The following CNTLN variants were observed in gnomAD, a reference collection of about 807,000 sequenced individuals.
The protein encoded by CNTLN is centlein, centrosomal protein.
A neutral mutation model predicts 180.0 loss-of-function variants in CNTLN; 212 were observed. That is an observed-to-expected ratio of 1.18 (90% CI 1.05 to 1.32). The LOEUF is 1.32. Ranked by LOEUF, CNTLN falls within the 40% of genes most tolerant of loss-of-function variation. CNTLN has a pLI of 0.00. For synonymous variants in CNTLN, 722 were observed against 563.1 expected (o/e 1.28, Z -3.99); for missense variants, 2,095 against 1,610.9 (o/e 1.30, Z -5.14).
At chr9:17,517,400 C>CA in the CNTLN span, among the ~76,000 whole-genome samples, 13,400 of 115,854 alleles carry the variant, frequency 0.12, 794 homozygotes, top group Non-Finnish European at 0.18. Context: ...TCAAACAAAA[C>CA]AAAAAAAAAA....
intron 2 of CNTLN, among the ~76,000 whole-genome samples, chr9:17,195,072 A>G (rs926143862): frequency 1.3e-5 from 2 of 152,188 alleles, no homozygotes; most frequent in African/African-American, 4.8e-5. Context: ...ACAACTGAAG[A>G]TGAGATTTGG....
the CNTLN span, among the ~76,000 whole-genome samples, chr9:17,527,747 G>A: frequency 6.6e-6 from 1 of 152,138 alleles, no homozygotes; most frequent in South Asian, 2.1e-4. Context: ...GCTCTTGGGA[G>A]AAATGGCTGA....
chr9:17,263,756 C>T (rs1336706096), intron 5 of CNTLN, among the ~76,000 whole-genome samples: 2 of 145,760 alleles, frequency 1.4e-5, no homozygotes, highest in African/African-American at 2.6e-5. Flanking sequence ...GAGATGGTAT[C>T]TCATTGTGGT....
At chr9:17,143,709 C>T (rs1042383930) in intron 2 of CNTLN, among the ~76,000 whole-genome samples, 2 of 152,154 alleles carry the variant, frequency 1.3e-5, no homozygotes, top group African/African-American at 2.4e-5. Flanking sequence ...CTTTTTACTC[C>T]ATGGACTGCC....
chr9:17,156,164 G>A (rs1819273498), intron 2 of CNTLN, among the ~76,000 whole-genome samples: 1 of 152,188 alleles, frequency 6.6e-6, no homozygotes, highest in African/African-American at 2.4e-5. Flanking sequence ...GACCAGTGCT[G>A]TTCCCTTTCG....
At chr9:17,365,653 C>T (rs1011577029) in intron 12 of CNTLN, among the ~76,000 whole-genome samples, 1 of 152,160 alleles carries the variant, frequency 6.6e-6, no homozygotes, top group Non-Finnish European at 1.5e-5. Context: ...CCTAGAATAT[C>T]TCTGTGTTAG....
chr9:17,494,530 A>G (rs540038160), intron 25 of CNTLN, among the ~76,000 whole-genome samples: 1 of 151,976 alleles, frequency 6.6e-6, no homozygotes, highest in East Asian at 1.9e-4. Flanking sequence ...CCCACCCTCT[A>G]CCGTCAAATA....
chr9:17,342,268 A>G (rs190057664), intron 11 of CNTLN, 57 bp from the exon 12 acceptor site: 153 of 1,535,818 alleles, frequency 1.0e-4, no homozygotes, highest in Non-Finnish European at 1.3e-4. Flanking sequence ...TGTATAAAAT[A>G]ATTTTTATTG....
intron 2 of CNTLN, among the ~76,000 whole-genome samples, chr9:17,184,204 C>T (rs1346915043): frequency 1.3e-5 from 2 of 151,904 alleles, no homozygotes; most frequent in Admixed American, 6.6e-5. Flanking sequence ...CGGACTTATT[C>T]GAATCATAAA....
chr9:17,196,439 A>AT (rs1047685163), intron 2 of CNTLN, among the ~76,000 whole-genome samples: 234 of 152,282 alleles, frequency 1.5e-3, no homozygotes, highest in African/African-American at 5.3e-3. Flanking sequence ...GAATATATAC[A>AT]TAAAAATTTA....
intron 1 of CNTLN, among the ~76,000 whole-genome samples, chr9:17,142,593 A>G (rs1302566471): frequency 6.6e-6 from 1 of 152,114 alleles, no homozygotes; most frequent in Non-Finnish European, 1.5e-5. Context: ...CTCAGTGTAG[A>G]GTTGGTACTT....
At chr9:17,229,708 A>G (rs763207706) in intron 3 of CNTLN, among the ~76,000 whole-genome samples, 5 of 152,146 alleles carry the variant, frequency 3.3e-5, no homozygotes, top group Non-Finnish European at 5.9e-5. Context: ...TACTTTCACA[A>G]TAACATCTAG....
At chr9:17,366,742 T>A in intron 13 of CNTLN, 25 bp downstream of exon 13, 1 of 1,195,764 alleles carries the variant, frequency 8.4e-7, no homozygotes, top group Non-Finnish European at 1.2e-6. Context: ...AATAAATACT[T>A]AACAGAGGAA....
At chr9:17,191,823 A>G (rs1381954206) in intron 2 of CNTLN, among the ~76,000 whole-genome samples, 1 of 152,226 alleles carries the variant, frequency 6.6e-6, no homozygotes, top group African/African-American at 2.4e-5. Context: ...GAATAAACAG[A>G]AAAGAAAAAC....
chr9:17,383,047 G>A (rs943960790), intron 13 of CNTLN, among the ~76,000 whole-genome samples: 1 of 151,690 alleles, frequency 6.6e-6, no homozygotes, highest in African/African-American at 2.4e-5. Flanking sequence ...ATAGAACTGA[G>A]GTGTGACCTC....
chr9:17,352,297 C>T (rs1375912475), intron 12 of CNTLN, among the ~76,000 whole-genome samples: 3 of 150,864 alleles, frequency 2.0e-5, no homozygotes, highest in African/African-American at 4.9e-5. Context: ...ATAATAATTG[C>T]TTAAGTAGCT....
At chr9:17,475,777 G>A (rs1358352841) in intron 23 of CNTLN, among the ~76,000 whole-genome samples, 1 of 151,562 alleles carries the variant, frequency 6.6e-6, no homozygotes, top group Admixed American at 6.6e-5. Flanking sequence ...GGAGGCTGAG[G>A]CAAGAGAATG....
intron 2 of CNTLN, among the ~76,000 whole-genome samples, chr9:17,159,502 A>T (rs1377587035): frequency 6.6e-6 from 1 of 152,162 alleles, no homozygotes; most frequent in African/African-American, 2.4e-5. Context: ...GGGTCTCAAT[A>T]TGCTGCACCC....
intron 19 of CNTLN, among the ~76,000 whole-genome samples, chr9:17,461,969 C>T (rs1392370209): frequency 1.3e-5 from 2 of 151,640 alleles, no homozygotes; most frequent in Non-Finnish European, 2.9e-5. Context: ...TACCACAGAA[C>T]AAACATGTTT....
Sources: allele counts gnomAD v4.1 joint callset (sites outside exome capture counted in the v4.1 genomes callset), GRCh38; gene constraint gnomAD v4.1.1; transcripts MANE v1.5; gene names NCBI Gene and HGNC (gene_info 2026-07-23, HGNC 2026-07-21).